GRIN3A: variants seen among roughly 807,000 people sequenced by gnomAD.
GRIN3A encodes the protein glutamate ionotropic receptor NMDA type subunit 3A, also known as glutamate receptor ionotropic, NMDA 3A.
Under a neutral mutation model 92.4 loss-of-function variants are expected in GRIN3A, and 47 were observed. That is an observed-to-expected ratio of 0.51 (90% CI 0.40 to 0.65). The LOEUF (loss-of-function observed/expected upper bound fraction) is 0.65, where lower values mean the gene tolerates loss of function less well. Ranked by LOEUF, GRIN3A falls within the 30% of genes least tolerant of loss-of-function variation. The pLI is 0.00. For missense variants in GRIN3A, 1,324 were observed against 1,393.1 expected (o/e 0.95, Z 0.79); for synonymous variants, 527 against 540.6 (o/e 0.97, Z 0.35).
At chr9:101,579,690 A>G (rs562035200) in intron 6 of GRIN3A, among the ~76,000 whole-genome samples, 1 of 152,290 alleles carries the variant, frequency 6.6e-6, no homozygotes, top group South Asian at 2.1e-4. Flanking sequence ...CCTTGATTGG[A>G]TGGGAGGTCT....
At chr9:101,622,689 T>C (rs560998925) in intron 5 of GRIN3A, among the ~76,000 whole-genome samples, 1 of 152,294 alleles carries the variant, frequency 6.6e-6, no homozygotes, top group South Asian at 2.1e-4. Flanking sequence ...AATACTTATT[T>C]AAGAACCAGG....
intron 5 of GRIN3A, among the ~76,000 whole-genome samples, chr9:101,616,888 TAAAAA>T (rs75080539): frequency 9.9e-6 from 1 of 101,434 alleles, no homozygotes; most frequent in Non-Finnish European, 1.9e-5. Context: ...ACTTAAAGTA[TAAAAA>T]AAAAAAAAAA....
chr9:101,732,613 G>A (rs1830153770), intron 1 of GRIN3A, among the ~76,000 whole-genome samples: 1 of 152,076 alleles, frequency 6.6e-6, no homozygotes, highest in African/African-American at 2.4e-5. Flanking sequence ...GAGGGAGAGG[G>A]TAAAGAGGAA....
intron 1 of GRIN3A, among the ~76,000 whole-genome samples, chr9:101,712,470 A>G (rs1415702343): frequency 6.6e-6 from 1 of 152,212 alleles, no homozygotes. Flanking sequence ...AATGAGGTAG[A>G]CAAGGCAGTG....
intron 1 of GRIN3A, among the ~76,000 whole-genome samples, chr9:101,720,315 T>G (rs1829996731): frequency 6.6e-6 from 1 of 152,252 alleles, no homozygotes; most frequent in African/African-American, 2.4e-5. Flanking sequence ...ATTAATTCAC[T>G]GAAGTCTGTA....
At chr9:101,660,258 A>G (rs1829156095) in intron 3 of GRIN3A, among the ~76,000 whole-genome samples, 1 of 151,854 alleles carries the variant, frequency 6.6e-6, no homozygotes, top group African/African-American at 2.4e-5. Flanking sequence ...CTTAGGTGTT[A>G]TTTGCTTTAA....
intron 1 of GRIN3A, among the ~76,000 whole-genome samples, chr9:101,703,789 C>T (rs1043050641): frequency 3.3e-5 from 5 of 152,058 alleles, no homozygotes; most frequent in East Asian, 1.9e-4. Flanking sequence ...TATTTATTAT[C>T]GTTACTCTGG....
At chr9:101,630,968 T>C (rs1365756693) in intron 3 of GRIN3A, among the ~76,000 whole-genome samples, 1 of 152,240 alleles carries the variant, frequency 6.6e-6, no homozygotes, top group Non-Finnish European at 1.5e-5. Flanking sequence ...ATTTAACTTA[T>C]ATGCATTCTT....
chr9:101,618,084 C>T (rs1258194789), intron 5 of GRIN3A, among the ~76,000 whole-genome samples: 2 of 151,666 alleles, frequency 1.3e-5, no homozygotes, highest in Non-Finnish European at 2.9e-5. Flanking sequence ...CCATAAAAAC[C>T]CTAGAAGAAA....
rs201878659 is a variant in GRIN3A, at chr9:101,594,764, G to A, written c.2767-15404C>T. 1.3e-5 allele frequency: 21 copies of A among 1,614,052 alleles called. No individual in the cohort carries two copies. In the East Asian group the frequency reaches 2.9e-4, roughly 22 times the overall value. ...GACGTCGATCACTCGCCGCACCAAC[G>A]GGTTGTGGCGCAGCTCCGGCAGGGA... On this transcript the variant is annotated intron_variant, in intron 6 of 8. Coordinates refer to ENST00000361820, the MANE Select transcript of GRIN3A (RefSeq NM_133445.3).
intron 2 of GRIN3A, among the ~76,000 whole-genome samples, chr9:101,674,736 G>A (rs576361385): frequency 6.6e-6 from 1 of 152,170 alleles, no homozygotes; most frequent in Admixed American, 6.5e-5. Context: ...CTCCAGCCTG[G>A]ATATGAACTC....
Position 101,670,541 on chromosome 9 carries a change from G to T in GRIN3A, c.1871C>A (p.Thr624Asn). Reference sequence around the variant, plus strand: ...AAAGGAAGTGACTGCCATGTGGGCAGTCCCTCTCAGGAGATCACCCACTAG... The same window carrying T: ...AAAGGAAGTGACTGCCATGTGGGCATTCCCTCTCAGGAGATCACCCACTAG... ...TGLVGDLLRG[T>N]AHMAVTSFSI... is the part of the protein sequence containing the mutation. Residue 624 changes from threonine to asparagine, a missense_variant, in exon 3 of 9, where the codon ACT becomes AAT. Physicochemically the swap from Thr to Asn is moderately conservative, Grantham distance 65. Transcript: ENST00000361820. The T allele has an allele frequency of 6.2e-7, 1 of 1,614,034 alleles. No homozygotes were observed. The highest frequency in any genetic ancestry group is 1.3e-5 in the African/African-American group (1 of 75,040).
At chr9:101,695,181 AG>A (rs967749747) in intron 1 of GRIN3A, among the ~76,000 whole-genome samples, 3 of 152,200 alleles carry the variant, frequency 2.0e-5, no homozygotes, top group Admixed American at 1.3e-4. Context: ...GAGATTAGGA[AG>A]TTTACACTAA....
At position 101,737,748 on chromosome 9, in the gene GRIN3A, T is replaced by G. The variant is rs1050796868; in HGVS notation, c.232A>C (p.Arg78=). 1 of 1,529,354 alleles carries G rather than the reference T, an allele frequency of 6.5e-7. No individual in the cohort carries two copies. The allele number at this position is 1,529,354 out of a possible 1,614,324, so 94.7% of individuals were successfully genotyped here. ...CTAGTCCCTGGCTCCGGCTCATCCC[T>G]CTGGGCTCCTGCTCGGCTGTCGTCC... ...APDDSRAGAQ[R]DEPEPGTRRS... The change falls in exon 1 of 9, where the codon AGG becomes CGG. Residue 78 remains arginine, a synonymous_variant. Coordinates refer to ENST00000361820, the MANE Select transcript of GRIN3A (RefSeq NM_133445.3).
intron 3 of GRIN3A, among the ~76,000 whole-genome samples, chr9:101,644,278 T>C (rs1423064969): frequency 6.6e-6 from 1 of 151,902 alleles, no homozygotes; most frequent in Non-Finnish European, 1.5e-5. Context: ...GTAGACTATT[T>C]CTTCTTAGAA....
At chr9:101,590,693 A>G (rs73505298) in intron 6 of GRIN3A, among the ~76,000 whole-genome samples, 1,529 of 152,202 alleles carry the variant, frequency 0.01, 28 homozygotes, top group African/African-American at 0.035. Flanking sequence ...ACTCTTTTTA[A>G]AAACATCCGA....
chr9:101,670,772 A>G lies in GRIN3A; in HGVS notation c.1640T>C (p.Met547Thr). 6.2e-7 allele frequency: 1 copy of G among 1,614,098 alleles called. No individual in the cohort carries two copies. ...CPAGQLCLDP[M>T]TNDSSTLDSL... ...GTCCAATGTGGAAGAGTCATTAGTC[A>G]TGGGGTCTAGACAGAGTTGGCCAGC... Residue 547 changes from methionine (M) to threonine (T), a missense_variant, in exon 3 of 9, where the codon ATG becomes ACG. By Grantham distance (81) the Met-to-Thr change is moderately conservative. Transcript: ENST00000361820.
rs1257075368 is a variant in GRIN3A at position 101,651,823 on chromosome 9, T to C, written c.2352+18237A>G. ...ATGGCAATAGGCTTTATTTTAAAGATATATATCAAAGCATAAATCCTGAAT... is the reference window on the plus strand; with the variant it reads ...ATGGCAATAGGCTTTATTTTAAAGACATATATCAAAGCATAAATCCTGAAT... On this transcript the variant is annotated intron_variant, in intron 3 of 8. Coordinates refer to ENST00000361820, the MANE Select transcript of GRIN3A (RefSeq NM_133445.3). Among the ~76,000 whole-genome samples the C allele has an allele frequency of 3.9e-5, 6 of 152,132 alleles. No individual in the cohort carries two copies. In the East Asian group the frequency reaches 5.8e-4, roughly 15 times the overall value.
intron 4 of GRIN3A, among the ~76,000 whole-genome samples, chr9:101,624,568 G>T (rs945150447): frequency 1.6e-4 from 24 of 151,936 alleles, no homozygotes; most frequent in African/African-American, 4.8e-5. Flanking sequence ...CATTTTTTAT[G>T]GCTGCATAGT....
Sources: allele counts gnomAD v4.1 joint callset (sites outside exome capture counted in the v4.1 genomes callset), GRCh38; gene constraint gnomAD v4.1.1; transcripts MANE v1.5; gene names NCBI Gene and HGNC (gene_info 2026-07-23, HGNC 2026-07-21).